Variants in SLC6A8 observed in about 807,000 individuals in gnomAD.
The protein encoded by SLC6A8 is sodium- and chloride-dependent creatine transporter 1.
In SLC6A8, 6 loss-of-function variants were observed where a neutral mutation model predicts 48.3. The ratio of observed to expected loss-of-function variants is 0.12; its 90% confidence interval spans 0.07 to 0.25. The LOEUF (loss-of-function observed/expected upper bound fraction) is 0.25, where lower values mean the gene tolerates loss of function less well. SLC6A8 is among the 10% of genes least tolerant of loss of function. The pLI, the probability that SLC6A8 is intolerant of heterozygous loss-of-function variation, is 1.00. For synonymous variants in SLC6A8, 245 were observed against 244.0 expected (o/e 1.00, Z -0.04); for missense variants, 260 against 551.5 (o/e 0.47, Z 5.29).
At position 153,691,458 on chromosome X, in the gene SLC6A8, G is replaced by A; in HGVS notation, c.549G>A (p.Glu183=). The change falls in exon 3 of 13, where the codon GAG becomes GAA. Residue 183 remains glutamate (E), a synonymous_variant. Coordinates refer to ENST00000253122, the MANE Select transcript of SLC6A8 (RefSeq NM_005629.4). ...GHTWNTPDCV[E]IFRHEDCANA... ...CCTGGAACACTCCCGACTGCGTGGAGATCTTCCGCCATGAAGACTGTGCCA... is the reference window on the plus strand; with the variant it reads ...CCTGGAACACTCCCGACTGCGTGGAAATCTTCCGCCATGAAGACTGTGCCA... The A allele has an allele frequency of 8.3e-7, 1 of 1,211,985 alleles. No individual in the cohort carries two copies. Among genetic ancestry groups the A allele is most frequent in the Non-Finnish European group, 1.1e-6 (1 of 895,304 alleles).
chrX:153,688,860 C>G, intron 1 of SLC6A8, 24 bp downstream of exon 1: 1 of 1,031,440 alleles, frequency 9.7e-7, no homozygotes, highest in African/African-American at 2.0e-5. Flanking sequence ...CCCGCCGCGG[C>G]CTCCTCCCCC....
In SLC6A8 at chrX:153,695,115, C is replaced by T. The variant is rs1557045832; in HGVS notation, c.1809C>T (p.His603=). 2.5e-6 allele frequency: 3 copies of T among 1,203,101 alleles called. No individual in the cohort carries two copies. In the Admixed American group the frequency reaches 6.6e-5, roughly 27 times the overall value. ...CCCAGCCCATCTGGGGCCTCCACCACTTGGAGTACCGAGCTCAGGACGCAG... is the reference window on the plus strand; with the variant it reads ...CCCAGCCCATCTGGGGCCTCCACCATTTGGAGTACCGAGCTCAGGACGCAG... ...HLTQPIWGLH[H]LEYRAQDADV... is the part of the protein sequence containing the mutation. The change falls in exon 13 of 13, where the codon CAC becomes CAT. Residue 603 remains histidine, a synonymous_variant. Coordinates refer to ENST00000253122, the MANE Select transcript of SLC6A8 (RefSeq NM_005629.4).
Position 153,691,570 on chromosome X carries a change from T to C in SLC6A8, c.644+17T>C. The stretch of plus-strand genomic sequence containing the variant: ...GTTCTGGGAGTGAGTCCGGCACCTC[T>C]GGGCCAAGCCCATCCCATCCCCCAG... On this transcript the variant is annotated intron_variant, in intron 3 of 12. Coordinates refer to ENST00000253122, the MANE Select transcript of SLC6A8 (RefSeq NM_005629.4). The C allele has an allele frequency of 8.3e-7, 1 of 1,210,779 alleles. No homozygotes were observed. The highest frequency in any genetic ancestry group is 1.1e-6 in the Non-Finnish European group (1 of 894,856).
At chrX:153,692,353 C>T (rs1271511288) in intron 4 of SLC6A8, 2 of 442,998 alleles carry the variant, frequency 4.5e-6, no homozygotes, top group African/African-American at 4.8e-5. Flanking sequence ...TGGTGCCCTC[C>T]TGCCAGTCTC....
chrX:153,690,689 G>A (rs1248516621), intron 2 of SLC6A8, 183 bp downstream of exon 2: 14 of 497,387 alleles, frequency 2.8e-5, no homozygotes, highest in Non-Finnish European at 4.4e-5. Flanking sequence ...GGACTAGAGG[G>A]GGCATAGGCA....
At chrX:153,692,912 G>A (rs782088517) in intron 4 of SLC6A8, 129 bp from the exon 5 acceptor site, 44 of 898,708 alleles carry the variant, frequency 4.9e-5, no homozygotes, top group Non-Finnish European at 6.3e-5. Flanking sequence ...TTCCTCTGGC[G>A]GGAGCCATGG....
In SLC6A8 at chrX:153,696,199, C is replaced by T. The variant is rs1603218837; in HGVS notation, c.*985C>T. 1 of 255,629 alleles carries T rather than the reference C, an allele frequency of 3.9e-6. No individual in the cohort carries two copies. The highest frequency in any genetic ancestry group is 2.8e-5 in the African/African-American group (1 of 35,424). The allele number at this position is 255,629 out of a possible 1,213,427, so 21.1% of individuals were successfully genotyped here. Reference sequence around the variant, plus strand: ...AAAGTGCATGGTGGGGGCCTCGGGGCTGTCCCCACGCTGTCCCTTTGCCAC... The same window carrying T: ...AAAGTGCATGGTGGGGGCCTCGGGGTTGTCCCCACGCTGTCCCTTTGCCAC... On this transcript the variant is annotated 3_prime_UTR_variant, in exon 13 of 13. Transcript: ENST00000253122.
Position 153,688,786 on chromosome X carries a change from G to T in SLC6A8, c.212G>T (p.Gly71Val). The T allele has an allele frequency of 8.8e-7, 1 of 1,141,467 alleles. No homozygotes were observed. The highest frequency in any genetic ancestry group is 1.2e-6 in the Non-Finnish European group (1 of 858,041). 94.1% of individuals were successfully genotyped at this position (1,141,467 alleles called of 1,213,427 possible). Reference sequence around the variant, plus strand: ...ATGTCGTGCGTGGGCTTCGCCGTGGGCTTGGGCAACGTGTGGCGCTTCCCC... The same window carrying T: ...ATGTCGTGCGTGGGCTTCGCCGTGGTCTTGGGCAACGTGTGGCGCTTCCCC... Reference protein sequence around the residue: ...FIMSCVGFAVGLGNVWRFPYL... With the variant: ...FIMSCVGFAVVLGNVWRFPYL... Residue 71 changes from glycine (G) to valine (V), a missense_variant, in exon 1 of 13, where the codon GGC becomes GTC. By Grantham distance (109) the Gly-to-Val change is moderately radical. Around this residue, in one of 7 missense-constraint regions of SLC6A8, gnomAD observed 24 missense variants for 52.0 expected, o/e 0.46. Transcript: ENST00000253122.
In SLC6A8 at chrX:153,688,500, C is replaced by T; in HGVS notation, c.-75C>T. The stretch of plus-strand genomic sequence containing the variant: ...GCCCTCGGGGCCCTCCCCGGTGCCG[C>T]CGGTGCCCCCCGCCTGACCGCCGCC... On this transcript the variant is annotated 5_prime_UTR_variant, in exon 1 of 13. Coordinates refer to ENST00000253122, the MANE Select transcript of SLC6A8 (RefSeq NM_005629.4). 2.6e-6 allele frequency: 1 copy of T among 378,511 alleles called. No individual in the cohort carries two copies. Among genetic ancestry groups the T allele is most frequent in the Admixed American group, 9.0e-5 (1 of 11,159 alleles). 31.2% of individuals were successfully genotyped at this position (378,511 alleles called of 1,213,427 possible).
chrX:153,696,308 CG>C lies in SLC6A8; in HGVS notation c.*1098del, dbSNP rs1310692332. The C allele has an allele frequency of 5.8e-5, 19 of 325,010 alleles. No homozygotes were observed. The Admixed American group carries it at 5.9e-4, about 10-fold the overall frequency. The allele number at this position is 325,010 out of a possible 1,213,427, so 26.8% of individuals were successfully genotyped here. ...GCCTGCTCAGGCTTCCCACCCTGTG[CG>C]GGGCACACCCCCAGGAAGGGACCCT... On this transcript the variant is annotated 3_prime_UTR_variant, in exon 13 of 13. Transcript: ENST00000253122.
At chrX:153,690,541 C>G in intron 2 of SLC6A8, 35 bp downstream of exon 2, 1 of 1,161,607 alleles carries the variant, frequency 8.6e-7, no homozygotes, top group Non-Finnish European at 1.2e-6. Flanking sequence ...GGGACTGCCC[C>G]CTTCTCCCAG....
rs1557045856 is a variant in SLC6A8 at position 153,695,165 on chromosome X, C to T, written c.1859C>T (p.Thr620Ile). Residue 620 changes from threonine (T) to isoleucine (I), a missense_variant, in exon 13 of 13, where the codon ACC becomes ATC. By Grantham distance (89) the Thr-to-Ile change is moderately conservative. This residue lies in a region of SLC6A8 where 87 missense variants were observed against 120.9 expected (regional missense o/e 0.72). Transcript: ENST00000253122. ...DADVRGLTTL[T>I]PVSESSKVVV... The stretch of plus-strand genomic sequence containing the variant: ...GATGTCAGGGGCCTGACCACCCTGA[C>T]CCCAGTGTCCGAGAGCAGCAAGGTC... The T allele has an allele frequency of 8.4e-7, 1 of 1,194,754 alleles. No individual in the cohort carries two copies. The highest frequency in any genetic ancestry group is 2.3e-5 in the Admixed American group (1 of 44,353).
intron 1 of SLC6A8, 76 bp downstream of exon 1, chrX:153,688,912 G>A: frequency 1.6e-6 from 1 of 631,819 alleles, no homozygotes; most frequent in Non-Finnish European, 2.1e-6. Context: ...AGCCGCCGCG[G>A]AGGGGTGAAG....
rs781887135 is a variant in SLC6A8 at position 153,691,571 on chromosome X, G to A, written c.644+18G>A. 1 of 1,209,591 alleles carries A rather than the reference G, an allele frequency of 8.3e-7. No individual in the cohort carries two copies. The highest frequency in any genetic ancestry group is 1.7e-5 in the African/African-American group (1 of 57,667). ...TTCTGGGAGTGAGTCCGGCACCTCT[G>A]GGCCAAGCCCATCCCATCCCCCAGG... On this transcript the variant is annotated intron_variant, in intron 3 of 12. Coordinates refer to ENST00000253122, the MANE Select transcript of SLC6A8 (RefSeq NM_005629.4).
Position 153,695,102 on chromosome X carries a change from G to A in SLC6A8, c.1796G>A (p.Trp599Ter). 1 of 1,203,711 alleles carries A rather than the reference G, an allele frequency of 8.3e-7. No homozygotes were observed. Among genetic ancestry groups the A allele is most frequent in the Non-Finnish European group, 1.1e-6 (1 of 891,324 alleles). ...TGGCAGCACCTGACCCAGCCCATCT[G>A]GGGCCTCCACCACTTGGAGTACCGA... ...ERWQHLTQPI[W>*]GLHHLEYRAQ... is the part of the protein sequence containing the mutation. Residue 599 changes from tryptophan (W) to a stop codon, truncating the protein, a stop_gained, in exon 13 of 13, where the codon TGG (tryptophan) becomes TAG (stop). Transcript: ENST00000253122. LOFTEE classifies it high-confidence loss of function.
chrX:153,690,116 G>T (rs782329765), intron 1 of SLC6A8, among the ~76,000 whole-genome samples: 1 of 113,184 alleles, frequency 8.8e-6, no homozygotes, highest in Admixed American at 9.2e-5. Flanking sequence ...GACCGTGGGG[G>T]TGGAAGCCCT....
intron 8 of SLC6A8, 30 bp from the exon 9 acceptor site, chrX:153,694,100 G>A (rs781911471): frequency 3.5e-5 from 42 of 1,206,810 alleles, no homozygotes; most frequent in East Asian, 3.0e-4. Context: ...AGGGCGGTGC[G>A]GGGCTCGGCC....
Position 153,695,895 on chromosome X carries a change from C to T in SLC6A8, c.*681C>T, listed in dbSNP as rs1313215353. The stretch of plus-strand genomic sequence containing the variant: ...AAAGGTGAATGCCAGATGTAAATGG[C>T]GCCTCTGGGCAAAGGAGGCTTGTAT... On this transcript the variant is annotated 3_prime_UTR_variant, in exon 13 of 13. Transcript: ENST00000253122. The T allele has an allele frequency of 2.4e-5, 3 of 123,328 alleles. 1 individual carries two copies. The highest frequency in any genetic ancestry group is 5.6e-4 in the South Asian group (2 of 3,567). The allele number at this position is 123,328 out of a possible 1,213,427, so 10.2% of individuals were successfully genotyped here.
Position 153,694,817 on chromosome X carries a change from C to T in SLC6A8, c.1695C>T (p.Ala565=). The T allele has an allele frequency of 8.3e-7, 1 of 1,210,279 alleles. No homozygotes were observed. Among genetic ancestry groups the T allele is most frequent in the Non-Finnish European group, 1.1e-6 (1 of 894,934 alleles). ...GTGAGGCCATGGGCTGGGCCTTCGCCCTGTCCTCCATGCTGTGCGTGCCGC... is the reference window on the plus strand; with the variant it reads ...GTGAGGCCATGGGCTGGGCCTTCGCTCTGTCCTCCATGCTGTGCGTGCCGC... The part of the protein sequence containing the change: ...WWGEAMGWAF[A]LSSMLCVPLH... The change falls in exon 12 of 13, where the codon GCC becomes GCT. Residue 565 remains alanine, a synonymous_variant. Transcript: ENST00000253122.
Sources: gnomAD v4.1 joint callset for allele counts (sites outside exome capture counted in the v4.1 genomes callset) on GRCh38, gnomAD v4.1.1 for gene constraint, gnomAD v4.1.1 regional missense constraint, MANE v1.5 for transcripts, NCBI Gene and HGNC (gene_info 2026-07-23, HGNC 2026-07-21) for gene names.